CASR: variants seen among roughly 807,000 people sequenced by gnomAD.
CASR encodes the protein extracellular calcium-sensing receptor.
A neutral mutation model predicts 69.1 loss-of-function variants in CASR; 23 were observed. That is an observed-to-expected ratio of 0.33 (90% CI 0.24 to 0.47). The LOEUF (loss-of-function observed/expected upper bound fraction) is 0.47, where lower values mean the gene tolerates loss of function less well. Ranked by LOEUF, CASR falls within the 20% of genes least tolerant of loss-of-function variation. CASR has a pLI of 1.00. For missense variants in CASR, 924 were observed against 1,356.1 expected (o/e 0.68, Z 5.00); for synonymous variants, 541 against 544.7 (o/e 0.99, Z 0.10).
chr3:122,201,501 C>T (rs901450642), intron 1 of CASR, among the ~76,000 whole-genome samples: 17 of 152,378 alleles, frequency 1.1e-4, no homozygotes, highest in Middle Eastern at 3.4e-3. Flanking sequence ...GGCCTGCTCT[C>T]AATGAGCTGT....
intron 4 of CASR, among the ~76,000 whole-genome samples, chr3:122,270,442 A>G (rs1576865833): frequency 6.6e-6 from 1 of 152,268 alleles, no homozygotes; most frequent in East Asian, 1.9e-4. Flanking sequence ...AATCTTCTCA[A>G]AGAATCAGCT....
chr3:122,241,938 G>GT (rs2074382980), intron 1 of CASR, among the ~76,000 whole-genome samples: 1 of 151,852 alleles, frequency 6.6e-6, no homozygotes, highest in Non-Finnish European at 1.5e-5. Flanking sequence ...TCATATAATC[G>GT]TTTTCAATTG....
intron 1 of CASR, among the ~76,000 whole-genome samples, chr3:122,216,749 A>G (rs376082586): frequency 1.4e-4 from 21 of 152,348 alleles, no homozygotes; most frequent in African/African-American, 5.1e-4. Context: ...TACAAGGACT[A>G]GAACTTCTAG....
intron 1 of CASR, among the ~76,000 whole-genome samples, chr3:122,199,238 T>G (rs1465055674): frequency 6.6e-6 from 1 of 152,204 alleles, no homozygotes; most frequent in Non-Finnish European, 1.5e-5. Flanking sequence ...AGCTGTGAAT[T>G]TCTGTACATG....
chr3:122,239,010 G>A (rs1230017513), intron 1 of CASR, among the ~76,000 whole-genome samples: 1 of 152,170 alleles, frequency 6.6e-6, no homozygotes, highest in Non-Finnish European at 1.5e-5. Context: ...AGCTGGGGTG[G>A]CAATGGCAAA....
At chr3:122,249,556 C>CA (rs1170940924) in intron 1 of CASR, among the ~76,000 whole-genome samples, 5 of 152,184 alleles carry the variant, frequency 3.3e-5, no homozygotes, top group Admixed American at 6.5e-5. Context: ...AAAAGCCTAA[C>CA]AAGCCATTAT....
chr3:122,233,552 CAG>C (rs1170627970), intron 1 of CASR, among the ~76,000 whole-genome samples: 1 of 152,226 alleles, frequency 6.6e-6, no homozygotes, highest in African/African-American at 2.4e-5. Flanking sequence ...GGCGACTTCA[CAG>C]GGGAATTTTG....
intron 1 of CASR, among the ~76,000 whole-genome samples, chr3:122,245,794 C>T (rs1405630789): frequency 6.6e-6 from 1 of 152,130 alleles, no homozygotes; most frequent in Non-Finnish European, 1.5e-5. Flanking sequence ...GTATCACCAA[C>T]AAAGGATTAT....
chr3:122,193,896 T>C (rs1576813639), intron 1 of CASR, among the ~76,000 whole-genome samples: 1 of 151,856 alleles, frequency 6.6e-6, no homozygotes, highest in South Asian at 2.1e-4. Flanking sequence ...ATTGGAAGGG[T>C]TTTTATACTT....
At chr3:122,228,993 A>G (rs1400628757) in intron 1 of CASR, among the ~76,000 whole-genome samples, 1 of 152,170 alleles carries the variant, frequency 6.6e-6, no homozygotes, top group Non-Finnish European at 1.5e-5. Context: ...TCATGTATTT[A>G]CCATCTTATT....
chr3:122,234,944 A>G (rs2074315238), intron 1 of CASR, among the ~76,000 whole-genome samples: 1 of 152,218 alleles, frequency 6.6e-6, no homozygotes, highest in Non-Finnish European at 1.5e-5. Flanking sequence ...AGGCAGAGAG[A>G]CACTGAGAGT....
chr3:122,275,961 G>A lies in CASR; in HGVS notation c.1527G>A (p.Gly509=), dbSNP rs2107643649. Residue 509 remains glycine, a synonymous_variant, in exon 5 of 7, where the codon GGG becomes GGA. Coordinates refer to ENST00000639785, the MANE Select transcript of CASR (RefSeq NM_000388.4). ...EDGSIVFKEV[G]YYNVYAKKGE... Reference sequence around the variant, plus strand: ...GCTCCATCGTGTTTAAGGAAGTCGGGTATTACAACGTCTATGCCAAGAAGG... The same window carrying A: ...GCTCCATCGTGTTTAAGGAAGTCGGATATTACAACGTCTATGCCAAGAAGG... 6.2e-7 allele frequency: 1 copy of A among 1,614,012 alleles called. No homozygotes were observed. Among genetic ancestry groups the A allele is most frequent in the Non-Finnish European group, 8.5e-7 (1 of 1,179,898 alleles).
chr3:122,267,619 T>C (rs1448908240), intron 4 of CASR, among the ~76,000 whole-genome samples: 1 of 152,172 alleles, frequency 6.6e-6, no homozygotes, highest in Non-Finnish European at 1.5e-5. Context: ...AGAAAGCAGA[T>C]CAGTGGTGGC....
intron 1 of CASR, among the ~76,000 whole-genome samples, chr3:122,224,487 G>A (rs1315984049): frequency 5.9e-5 from 9 of 152,126 alleles, no homozygotes; most frequent in Non-Finnish European, 1.5e-5. Flanking sequence ...GCTAACCAAG[G>A]AGGTAAAAGT....
Position 122,253,964 on chromosome 3 carries a change from C to A in CASR, c.-226C>A. 1 of 586,670 alleles carries A rather than the reference C, an allele frequency of 1.7e-6. No homozygotes were observed. The highest frequency in any genetic ancestry group is 3.0e-6 in the Non-Finnish European group (1 of 328,328). 36.3% of individuals were successfully genotyped at this position (586,670 alleles called of 1,614,324 possible). The stretch of plus-strand genomic sequence containing the variant: ...TTCTTTTAGAAGGCATCACAGGAGG[C>A]CTCTGCATGATGTGGCTTCCAAAGA... On this transcript the variant is annotated 5_prime_UTR_variant, in exon 2 of 7. Transcript: ENST00000639785.
chr3:122,280,548 C>A (rs1304901911), intron 5 of CASR, among the ~76,000 whole-genome samples: 1 of 152,168 alleles, frequency 6.6e-6, no homozygotes, highest in East Asian at 1.9e-4. Flanking sequence ...TACCTTGTCA[C>A]CATAGTTGAA....
intron 3 of CASR, chr3:122,257,667 A>C: frequency 3.0e-6 from 1 of 337,158 alleles, no homozygotes; most frequent in Non-Finnish European, 5.4e-6. Context: ...TTTATTTCCC[A>C]CTCTATTCCT....
intron 1 of CASR, among the ~76,000 whole-genome samples, chr3:122,227,264 G>C (rs959476625): frequency 6.6e-6 from 1 of 152,224 alleles, no homozygotes; most frequent in Non-Finnish European, 1.5e-5. Context: ...GGAGCAGGGG[G>C]TGGTGCTCAT....
intron 1 of CASR, among the ~76,000 whole-genome samples, chr3:122,246,285 A>G (rs1278301023): frequency 6.6e-6 from 1 of 152,178 alleles, no homozygotes; most frequent in Non-Finnish European, 1.5e-5. Flanking sequence ...GCAAAAATCC[A>G]GATTTATTGG....
Sources: allele counts gnomAD v4.1 joint callset (sites outside exome capture counted in the v4.1 genomes callset), GRCh38; gene constraint gnomAD v4.1.1; transcripts MANE v1.5; gene names NCBI Gene and HGNC (gene_info 2026-07-23, HGNC 2026-07-21).